Variants in SCN1A observed in about 807,000 individuals in gnomAD.
The protein encoded by SCN1A is sodium channel protein type 1 subunit alpha.
A neutral mutation model predicts 193.7 loss-of-function variants in SCN1A; 13 were observed. The ratio of observed to expected loss-of-function variants is 0.07; its 90% CI spans 0.04 to 0.11. The LOEUF (loss-of-function observed/expected upper bound fraction) is 0.11. Ranked by LOEUF, SCN1A falls within the 10% of genes least tolerant of loss-of-function variation. The probability of loss-of-function intolerance (pLI) is 1.00; values close to 1 mark genes in which losing one functional copy is unlikely to be tolerated. For missense variants in SCN1A, 1,432 were observed against 2,451.1 expected, an observed-to-expected ratio of 0.58 and a Z score of 8.78; for synonymous variants, 781 against 843.6, an observed-to-expected ratio of 0.93 and a Z score of 1.29.
chr2:166,006,714 G>A (rs182276577), intron 23 of SCN1A, among the ~76,000 whole-genome samples: 2 of 151,324 alleles, frequency 1.3e-5, no homozygotes, highest in East Asian at 3.9e-4. Flanking sequence ...AAATGAGAGT[G>A]GTCACAATCA....
chr2:166,133,601 T>A (rs1691744870), intron 1 of SCN1A, among the ~76,000 whole-genome samples: 1 of 152,194 alleles, frequency 6.6e-6, no homozygotes, highest in South Asian at 2.1e-4. Context: ...ATTACTATAG[T>A]GCTCTGTATA....
chr2:166,010,836 TAAAG>T (rs1692347313), intron 22 of SCN1A, among the ~76,000 whole-genome samples: 1 of 151,032 alleles, frequency 6.6e-6, no homozygotes, highest in African/African-American at 2.4e-5. Context: ...ACATTGAAAA[TAAAG>T]ATATTATTGT....
chr2:166,045,458 C>G, intron 12 of SCN1A, 131 bp from the exon 13 acceptor site: 1 of 1,071,236 alleles, frequency 9.3e-7, no homozygotes, highest in Non-Finnish European at 1.4e-6. Flanking sequence ...AGAGAAGATT[C>G]TCTGCAAGTA....
chr2:166,059,282 C>A (rs1474853880), intron 4 of SCN1A: 1 of 152,390 alleles, frequency 6.6e-6, no homozygotes, highest in Admixed American at 6.5e-5. Flanking sequence ...AGGCCAAGAT[C>A]CCTGGAGAGT....
At chr2:166,065,689 T>C (rs1172756715) in intron 4 of SCN1A, among the ~76,000 whole-genome samples, 2 of 152,136 alleles carry the variant, frequency 1.3e-5, no homozygotes, top group African/African-American at 4.8e-5. Flanking sequence ...TGCCTACCCG[T>C]GGGCCACCAA....
At chr2:166,092,662 A>C (rs1322167158) in intron 2 of SCN1A, 1 of 152,150 alleles carries the variant, frequency 6.6e-6, no homozygotes, top group Non-Finnish European at 1.5e-5. Flanking sequence ...CACCATGCTC[A>C]GGTAGGAAAA....
chr2:166,002,836 T>C, intron 23 of SCN1A, 83 bp from the exon 24 acceptor site: 1 of 1,129,010 alleles, frequency 8.9e-7, no homozygotes, highest in Admixed American at 2.8e-5. Context: ...ATCTCTGGTC[T>C]TTCCATTCTT....
At chr2:166,129,906 G>A (rs1183408054), upstream of SCN1A, among the ~76,000 whole-genome samples, 2 of 152,138 alleles carry the variant, frequency 1.3e-5, no homozygotes, top group Non-Finnish European at 2.9e-5. Flanking sequence ...GAGCAAGAGA[G>A]GGTATCTACG....
Position 166,041,470 on chromosome 2 carries a change from C to T in SCN1A, c.2177-1G>A, listed in dbSNP as rs763400390. 4.5e-6 allele frequency: 6 copies of T among 1,341,116 alleles called. No individual in the cohort carries two copies. Among genetic ancestry groups the T allele is most frequent in the South Asian group, 2.5e-5 (2 of 80,444 alleles). The allele number at this position is 1,341,116 out of a possible 1,614,324, so 83.1% of individuals were successfully genotyped here. A position where few individuals can be genotyped will look rare whatever the true frequency, so the allele number is the denominator to read the frequency against. Reference sequence around the variant, plus strand: ...CATTTCTGCCTGGATTCTTCAAGTTCTAGATTAAGAAAAAAAAAAAAAAGA... The same window carrying T: ...CATTTCTGCCTGGATTCTTCAAGTTTTAGATTAAGAAAAAAAAAAAAAAGA... On this transcript the variant is annotated splice_acceptor_variant, in intron 15 of 28. Coordinates refer to ENST00000674923, the MANE Select transcript of SCN1A (RefSeq NM_001165963.4). LOFTEE classifies it high-confidence loss of function.
chr2:166,044,017 T>A lies in SCN1A; in HGVS notation c.1695A>T (p.Ser565=). ...SLLSIRGSLF[S]PRRNSRTSLF... ...GGCTTGTTCTGCTATTTCGCCTTGG[T>A]GAAAATAGGGAGCCACGGATGCTCA... Residue 565 remains serine (S), a synonymous_variant, in exon 14 of 29, where the codon TCA becomes TCT. Coordinates refer to ENST00000674923, the MANE Select transcript of SCN1A (RefSeq NM_001165963.4). 1 of 1,614,150 alleles carries A rather than the reference T, an allele frequency of 6.2e-7. No homozygotes were observed.
chr2:166,008,566 T>C (rs1301838035), intron 23 of SCN1A, among the ~76,000 whole-genome samples: 1 of 151,054 alleles, frequency 6.6e-6, no homozygotes, highest in Non-Finnish European at 1.5e-5. Context: ...CTGTGAGAAA[T>C]AAAAGAGGAC....
chr2:166,116,530 T>C (rs965749785), intron 2 of SCN1A, among the ~76,000 whole-genome samples: 10 of 152,118 alleles, frequency 6.6e-5, no homozygotes, highest in African/African-American at 1.7e-4. Flanking sequence ...TCTCAACTAA[T>C]ACAGTGCAAC....
chr2:166,123,726 A>G (rs1011310956), intron 2 of SCN1A: 2 of 152,194 alleles, frequency 1.3e-5, no homozygotes, highest in Non-Finnish European at 2.9e-5. Context: ...TTTAAACCTA[A>G]TAACTTGTTA....
intron 2 of SCN1A, among the ~76,000 whole-genome samples, chr2:166,106,447 T>G (rs1688703014): frequency 6.6e-6 from 1 of 152,018 alleles, no homozygotes; most frequent in South Asian, 2.1e-4. Context: ...CAGAATAGTT[T>G]GCTGGGGTGT....
chr2:166,044,020 A>C lies in SCN1A; in HGVS notation c.1692T>G (p.Phe564Leu). Residue 564 changes from phenylalanine (F) to leucine (L), a missense_variant, in exon 14 of 29, where the codon TTT (phenylalanine) becomes TTG (leucine). Phe to Leu is a conservative substitution (Grantham distance 22). This residue lies in a region of SCN1A where 316 missense variants were observed against 362.1 expected (regional missense o/e 0.87). Coordinates refer to ENST00000674923, the MANE Select transcript of SCN1A (RefSeq NM_001165963.4). ...QSLLSIRGSL[F>L]SPRRNSRTSL... ...TTGTTCTGCTATTTCGCCTTGGTGA[A>C]AATAGGGAGCCACGGATGCTCAACA... 6.2e-7 allele frequency: 1 copy of C among 1,614,172 alleles called. No homozygotes were observed. The highest frequency in any genetic ancestry group is 2.2e-5 in the East Asian group (1 of 44,878).
intron 2 of SCN1A, among the ~76,000 whole-genome samples, chr2:166,078,343 G>A (rs1244237002): frequency 3.3e-5 from 5 of 149,374 alleles, no homozygotes; most frequent in African/African-American, 1.3e-4. Context: ...CGTTTAATTT[G>A]TTAATTTAGG....
chr2:166,148,899 C>T (rs1692425878), intron 1 of SCN1A: 1 of 152,150 alleles, frequency 6.6e-6, no homozygotes, highest in Non-Finnish European at 1.5e-5. Context: ...GTCTCAAAGC[C>T]AGGATTACTG....
upstream of SCN1A, among the ~76,000 whole-genome samples, chr2:166,128,376 G>GT (rs1355048156): frequency 1.3e-5 from 2 of 151,982 alleles, no homozygotes; most frequent in Non-Finnish European, 2.9e-5. Flanking sequence ...ATGAATCATT[G>GT]TTATCTATAA....
chr2:166,048,798 T>A, intron 10 of SCN1A, 88 bp downstream of exon 10: 2 of 888,718 alleles, frequency 2.3e-6, no homozygotes, highest in South Asian at 2.9e-5. Flanking sequence ...TTGGCTGTTA[T>A]CTTCAGTTTC....
Sources: allele counts gnomAD v4.1 joint callset (sites outside exome capture counted in the v4.1 genomes callset), GRCh38; gene constraint gnomAD v4.1.1; regional missense constraint gnomAD v4.1.1; transcripts MANE v1.5; gene names NCBI Gene and HGNC (gene_info 2026-07-23, HGNC 2026-07-21).